Variants in RABGAP1 observed in about 807,000 individuals in gnomAD.
The protein encoded by RABGAP1 is rab GTPase-activating protein 1.
RABGAP1 carries 23 observed loss-of-function variants against 137.6 expected under a neutral mutation model. The observed-to-expected ratio is 0.17, with a 90% CI of 0.12 to 0.24. RABGAP1 has a LOEUF of 0.24. RABGAP1 is among the 10% of genes least tolerant of loss of function. RABGAP1 has a pLI of 1.00. For missense variants in RABGAP1, 906 were observed against 1,275.8 expected (o/e 0.71, Z 4.42); for synonymous variants, 451 against 450.7 (o/e 1.00, Z -0.01).
intron 13 of RABGAP1, among the ~76,000 whole-genome samples, chr9:123,047,937 T>G (rs1352258850): frequency 1.6e-5 from 2 of 122,708 alleles, no homozygotes; most frequent in African/African-American, 6.8e-5. Flanking sequence ...TTTTTTTTTT[T>G]TTTTTTTTTT....
chr9:123,096,940 A>C lies in RABGAP1; in HGVS notation c.2629-801A>C, dbSNP rs146294057. On this transcript the variant is annotated intron_variant, in intron 21 of 25. Coordinates refer to ENST00000373647, the MANE Select transcript of RABGAP1 (RefSeq NM_012197.4). ...AAAGAAGATACAGGAAAGGAAATAG[A>C]GTATAGTGGAAAACTCAGTGGCCCA... is the stretch of plus-strand genomic sequence containing the variant. Among the ~76,000 whole-genome samples, 33 of 152,336 alleles carry C rather than the reference A, an allele frequency of 2.2e-4. No individual in the cohort carries two copies. The East Asian group carries it at 6.4e-3, about 29-fold the overall frequency.
chr9:123,057,326 A>C (rs1313761270), intron 13 of RABGAP1, among the ~76,000 whole-genome samples: 64 of 140,708 alleles, frequency 4.5e-4, no homozygotes, highest in African/African-American at 1.6e-3. Context: ...GGGTCTCCTC[A>C]CTTCTCAGAC....
intron 2 of RABGAP1, among the ~76,000 whole-genome samples, chr9:122,961,481 T>A (rs1462397603): frequency 1.3e-5 from 2 of 152,190 alleles, no homozygotes; most frequent in Non-Finnish European, 2.9e-5. Context: ...AGGTAAAAAC[T>A]CAGAGAATTT....
At chr9:122,951,353 C>G (rs1014467688) in intron 1 of RABGAP1, among the ~76,000 whole-genome samples, 19 of 152,036 alleles carry the variant, frequency 1.2e-4, no homozygotes, top group African/African-American at 4.3e-4. Flanking sequence ...CTGCATGTCA[C>G]TGTTACTTCT....
chr9:122,988,131 C>G (rs1836462662), intron 4 of RABGAP1, among the ~76,000 whole-genome samples: 1 of 152,164 alleles, frequency 6.6e-6, no homozygotes, highest in Non-Finnish European at 1.5e-5. Context: ...TTAGTCAATA[C>G]TCATTCCTCT....
intron 2 of RABGAP1, among the ~76,000 whole-genome samples, chr9:122,983,621 C>G (rs1836200426): frequency 1.3e-5 from 2 of 152,146 alleles, no homozygotes; most frequent in African/African-American, 4.8e-5. Context: ...TAGCCCTGCC[C>G]AATTTAACTT....
rs906039138 is a variant in RABGAP1 at position 123,104,559 on chromosome 9, G to A, written c.*1346G>A. 2.0e-5 allele frequency: 3 copies of A among 152,500 alleles called. No homozygotes were observed. Among genetic ancestry groups the A allele is most frequent in the Non-Finnish European group, 4.4e-5 (3 of 68,030 alleles). 9.4% of individuals were successfully genotyped at this position (152,500 alleles called of 1,614,324 possible). A position where few individuals can be genotyped will look rare whatever the true frequency, so the allele number is the denominator to read the frequency against. On this transcript the variant is annotated 3_prime_UTR_variant, in exon 26 of 26. Transcript: ENST00000373647. ...ACTGGTTTTGTATATAAAGACACTC[G>A]GGTTGTTTTGTAGCTCTTTTTCTTA... is the stretch of plus-strand genomic sequence containing the variant.
rs959569999 is a variant in RABGAP1 at position 122,996,311 on chromosome 9, C to G, written c.1034+160C>G. 8.5e-6 allele frequency: 11 copies of G among 1,300,778 alleles called. No individual in the cohort carries two copies. The Admixed American group carries it at 3.1e-4, about 36-fold the overall frequency. The allele number at this position is 1,300,778 out of a possible 1,614,324, so 80.6% of individuals were successfully genotyped here. A position where few individuals can be genotyped will look rare whatever the true frequency, so the allele number is the denominator to read the frequency against. ...TCAGTGCTTCATTACTTTGAAATAG[C>G]TACTATAAATAATCAGCTAATACGC... On this transcript the variant is annotated intron_variant, in intron 7 of 25. Transcript: ENST00000373647.
intron 1 of RABGAP1, among the ~76,000 whole-genome samples, chr9:122,948,233 C>A (rs1277773267): frequency 6.6e-6 from 1 of 152,090 alleles, no homozygotes; most frequent in Non-Finnish European, 1.5e-5. Flanking sequence ...TTTTTCTAAA[C>A]AGAGAGTAAA....
At chr9:123,040,447 T>G (rs1469069508) in intron 13 of RABGAP1, among the ~76,000 whole-genome samples, 1 of 152,170 alleles carries the variant, frequency 6.6e-6, no homozygotes, top group Non-Finnish European at 1.5e-5. Flanking sequence ...GAGATCATAG[T>G]AAAAGGTGAA....
chr9:123,077,652 TTG>T (rs2034560335), intron 19 of RABGAP1, among the ~76,000 whole-genome samples: 1 of 150,376 alleles, frequency 6.6e-6, no homozygotes, highest in Non-Finnish European at 1.5e-5. Flanking sequence ...TTGTATTGTA[TTG>T]TATTGTATTG....
intron 13 of RABGAP1, among the ~76,000 whole-genome samples, chr9:123,053,954 C>G (rs1195390134): frequency 1.3e-5 from 2 of 152,150 alleles, no homozygotes; most frequent in Non-Finnish European, 2.9e-5. Context: ...TGAGAAATTA[C>G]CCAGTGAGCC....
intron 15 of RABGAP1, among the ~76,000 whole-genome samples, chr9:123,071,027 G>A (rs1472907846): frequency 6.6e-6 from 1 of 151,370 alleles, no homozygotes; most frequent in Non-Finnish European, 1.5e-5. Flanking sequence ...ATTGTTTTTT[G>A]AAATTATTCT....
chr9:123,030,303 C>T (rs2032226242), intron 13 of RABGAP1, among the ~76,000 whole-genome samples: 1 of 152,080 alleles, frequency 6.6e-6, no homozygotes, highest in African/African-American at 2.4e-5. Flanking sequence ...ACAACTTCAA[C>T]CCAGCATCAT....
chr9:122,955,566 ACT>A (rs1834471085), intron 1 of RABGAP1, among the ~76,000 whole-genome samples: 1 of 152,226 alleles, frequency 6.6e-6, no homozygotes, highest in African/African-American at 2.4e-5. Context: ...TGTGCCATTA[ACT>A]GGTTAAATGA....
At chr9:122,973,397 C>T (rs142647240) in intron 2 of RABGAP1, among the ~76,000 whole-genome samples, 217 of 152,106 alleles carry the variant, frequency 1.4e-3, no homozygotes, top group African/African-American at 4.3e-3. Flanking sequence ...CCACCATGCC[C>T]GGCTAATTTT....
chr9:122,957,993 A>G (rs2131626736), intron 2 of RABGAP1, among the ~76,000 whole-genome samples: 1 of 152,134 alleles, frequency 6.6e-6, no homozygotes, highest in East Asian at 1.9e-4. Flanking sequence ...GAGATAAATT[A>G]AAAATAAAAT....
At chr9:122,997,469 A>G (rs1837087789) in intron 9 of RABGAP1, 108 bp downstream of exon 9, 1 of 660,230 alleles carries the variant, frequency 1.5e-6, no homozygotes, top group South Asian at 3.5e-5. Context: ...AATTTTGATG[A>G]AACCGAAGAA....
intron 11 of RABGAP1, among the ~76,000 whole-genome samples, chr9:123,011,269 T>A (rs1379685348): frequency 2.0e-5 from 3 of 152,166 alleles, no homozygotes; most frequent in Non-Finnish European, 4.4e-5. Context: ...TCGGTTTTCA[T>A]TGTGGGGAAT....
Sources: gnomAD v4.1 joint callset for allele counts (sites outside exome capture counted in the v4.1 genomes callset) on GRCh38, gnomAD v4.1.1 for gene constraint, MANE v1.5 for transcripts, NCBI Gene and HGNC (gene_info 2026-07-23, HGNC 2026-07-21) for gene names.